Variants in VSTM2B observed in about 807,000 individuals in gnomAD.
The protein encoded by VSTM2B is V-set and transmembrane domain-containing protein 2B.
In VSTM2B, 24 loss-of-function variants were observed where a neutral mutation model predicts 24.0. The observed-to-expected ratio is 1.00, with a 90% confidence interval of 0.72 to 1.40. The LOEUF is 1.40. Among genes scored for constraint, VSTM2B ranks in the 40% most tolerant of loss-of-function variants. VSTM2B has a pLI of 0.00. For missense variants in VSTM2B, 399 were observed against 416.4 expected, an observed-to-expected ratio of 0.96 and a Z score of 0.36; for synonymous variants, 226 against 194.4, an observed-to-expected ratio of 1.16 and a Z score of -1.35.
At chr19:29,529,016 G>C in intron 3 of VSTM2B, 1 of 985,488 alleles carries the variant, frequency 1.0e-6, no homozygotes, top group Non-Finnish European at 1.2e-6. Context: ...CTAACTCTGG[G>C]AGGAGATGCG....
At chr19:29,537,320 G>A (rs1008042774) in intron 4 of VSTM2B, among the ~76,000 whole-genome samples, 4 of 152,182 alleles carry the variant, frequency 2.6e-5, no homozygotes, top group Admixed American at 6.5e-5. Flanking sequence ...GGCCTCCTGT[G>A]GGTTAGGGTG....
intron 4 of VSTM2B, among the ~76,000 whole-genome samples, chr19:29,548,726 G>A (rs1188585515): frequency 2.0e-5 from 3 of 152,146 alleles, no homozygotes; most frequent in African/African-American, 7.2e-5. Context: ...TCAGGAAGCC[G>A]GGAATGTGGG....
chr19:29,560,896 C>A (rs531912392), intron 4 of VSTM2B, among the ~76,000 whole-genome samples: 1 of 152,186 alleles, frequency 6.6e-6, no homozygotes. Context: ...TTTCCCCTGC[C>A]GCTGCATACC....
intron 4 of VSTM2B, among the ~76,000 whole-genome samples, chr19:29,554,701 C>T (rs1392537353): frequency 1.3e-5 from 2 of 151,996 alleles, no homozygotes; most frequent in African/African-American, 4.8e-5. Context: ...CACATAAGCT[C>T]AAAATAAAGG....
intron 4 of VSTM2B, among the ~76,000 whole-genome samples, chr19:29,535,316 C>T (rs923269358): frequency 2.0e-5 from 3 of 152,144 alleles, no homozygotes; most frequent in Non-Finnish European, 4.4e-5. Context: ...TAAAGTCTAG[C>T]GCGGCCTCAA....
chr19:29,556,739 T>C (rs1045660512), intron 4 of VSTM2B, among the ~76,000 whole-genome samples: 2 of 151,998 alleles, frequency 1.3e-5, no homozygotes, highest in East Asian at 3.9e-4. Context: ...CAAGCAACAA[T>C]AGACAAAAAG....
chr19:29,542,213 T>A (rs76518667), intron 4 of VSTM2B, among the ~76,000 whole-genome samples: 8,807 of 149,940 alleles, frequency 0.059, 307 homozygotes, highest in Middle Eastern at 0.12. Context: ...GGTAGATGGG[T>A]GAATGGATGG....
At chr19:29,561,657 G>C (rs1239146098) in intron 4 of VSTM2B, among the ~76,000 whole-genome samples, 3 of 152,292 alleles carry the variant, frequency 2.0e-5, no homozygotes, top group Non-Finnish European at 4.4e-5. Flanking sequence ...AGAGCCAGGA[G>C]ATCTGTGAGG....
In VSTM2B at chr19:29,526,532, C is replaced by A; in HGVS notation, c.-52C>A. On this transcript the variant is annotated 5_prime_UTR_variant, in exon 1 of 5. Transcript: ENST00000335523. The surrounding 1 kb of genome is among the most constrained non-coding windows in gnomAD (Gnocchi z 4.1). ...CCGGAGCCGATCCGAGCCCACGCGG[C>A]CGCCGCCTCTCCGCTCCCGGGCCCC... is the stretch of plus-strand genomic sequence containing the variant. 7.0e-7 allele frequency: 1 copy of A among 1,436,092 alleles called. No individual in the cohort carries two copies. The highest frequency in any genetic ancestry group is 9.3e-7 in the Non-Finnish European group (1 of 1,080,234). The allele number at this position is 1,436,092 out of a possible 1,614,324, so 89.0% of individuals were successfully genotyped here.
chr19:29,549,909 G>A (rs1417440203), intron 4 of VSTM2B, among the ~76,000 whole-genome samples: 2 of 152,036 alleles, frequency 1.3e-5, no homozygotes, highest in Non-Finnish European at 2.9e-5. Flanking sequence ...GGAAGAGCAG[G>A]TCTGCTCCCA....
At chr19:29,557,943 C>A (rs2078274022) in intron 4 of VSTM2B, among the ~76,000 whole-genome samples, 1 of 152,118 alleles carries the variant, frequency 6.6e-6, no homozygotes, top group African/African-American at 2.4e-5. Flanking sequence ...ATTTTGCAAT[C>A]TATCCATCTG....
chr19:29,563,985 G>A lies in VSTM2B; in HGVS notation c.*51G>A. Reference sequence around the variant, plus strand: ...AGAGGCCGCACATGACCTGCCCGGGGCCCTCGGTGAGGACCATGTCGCTGG... The same window carrying A: ...AGAGGCCGCACATGACCTGCCCGGGACCCTCGGTGAGGACCATGTCGCTGG... On this transcript the variant is annotated 3_prime_UTR_variant, in exon 5 of 5. Transcript: ENST00000335523. The A allele has an allele frequency of 1.4e-6, 2 of 1,475,754 alleles. No individual in the cohort carries two copies. Among genetic ancestry groups the A allele is most frequent in the South Asian group, 1.2e-5 (1 of 82,496 alleles). The allele number at this position is 1,475,754 out of a possible 1,614,324, so 91.4% of individuals were successfully genotyped here.
intron 4 of VSTM2B, among the ~76,000 whole-genome samples, chr19:29,530,908 A>G (rs929586133): frequency 5.3e-5 from 8 of 151,568 alleles, no homozygotes; most frequent in Admixed American, 4.6e-4. Flanking sequence ...TGGGGGCAGT[A>G]AGGACTGAGC....
chr19:29,538,228 C>T (rs1427110682), intron 4 of VSTM2B, among the ~76,000 whole-genome samples: 1 of 152,170 alleles, frequency 6.6e-6, no homozygotes, highest in South Asian at 2.1e-4. Flanking sequence ...AATCTTGAGT[C>T]CATCACTTCC....
intron 3 of VSTM2B, 74 bp downstream of exon 3, chr19:29,528,536 G>A: frequency 6.5e-7 from 1 of 1,532,318 alleles, no homozygotes; most frequent in Non-Finnish European, 8.8e-7. Context: ...CCCTCCCTTA[G>A]CAAGCCGCGG....
Position 29,563,949 on chromosome 19 carries a change from C to T in VSTM2B, c.*15C>T, listed in dbSNP as rs1270801059. ...TGGGACATTGACAGACAAGACCAAC[C>T]CGAGCATCTCAGAGGCCGCACATGA... On this transcript the variant is annotated 3_prime_UTR_variant, in exon 5 of 5. Coordinates refer to ENST00000335523, the MANE Select transcript of VSTM2B (RefSeq NM_001146339.2). 3.2e-6 allele frequency: 5 copies of T among 1,551,606 alleles called. No homozygotes were observed. The African/African-American group carries it at 6.8e-5, about 21-fold the overall frequency.
intron 4 of VSTM2B, among the ~76,000 whole-genome samples, chr19:29,530,934 G>A (rs1969741889): frequency 6.6e-6 from 1 of 151,628 alleles, no homozygotes; most frequent in African/African-American, 2.4e-5. Flanking sequence ...GCCACTGTTA[G>A]GAAGGCACCC....
intron 4 of VSTM2B, among the ~76,000 whole-genome samples, chr19:29,537,621 C>T (rs188780604): frequency 7.7e-4 from 117 of 152,060 alleles, no homozygotes; most frequent in Admixed American, 2.0e-3. Flanking sequence ...TCAAGAGGAA[C>T]GTTGAGGGGT....
At chr19:29,551,421 C>G (rs76070828) in intron 4 of VSTM2B, among the ~76,000 whole-genome samples, 14,065 of 150,290 alleles carry the variant, frequency 0.094, 833 homozygotes, top group East Asian at 0.19. Context: ...ATTTCCCAGA[C>G]AAGCTGCTGG....
Sources: gnomAD v4.1 joint callset for allele counts (sites outside exome capture counted in the v4.1 genomes callset) on GRCh38, gnomAD v4.1.1 for gene constraint, Gnocchi (gnomAD v3.1) non-coding constraint, MANE v1.5 for transcripts, NCBI Gene and HGNC (gene_info 2026-07-23, HGNC 2026-07-21) for gene names.